ZNF804B: variants seen among roughly 807,000 people sequenced by gnomAD.
ZNF804B encodes zinc finger 804B.
Under a neutral mutation model 101.4 loss-of-function variants are expected in ZNF804B, and 80 were observed. The ratio of observed to expected loss-of-function variants is 0.79; its 90% CI spans 0.66 to 0.95. The LOEUF (loss-of-function observed/expected upper bound fraction) is 0.95. Among genes scored for constraint, ZNF804B ranks in the 40% least tolerant of loss-of-function variants. The pLI is 0.00. For missense variants in ZNF804B, 1,673 were observed against 1,561.9 expected, an observed-to-expected ratio of 1.07 and a Z score of -1.20; for synonymous variants, 622 against 558.8, an observed-to-expected ratio of 1.11 and a Z score of -1.59.
chr7:89,169,482 C>T (rs1343960294), intron 1 of ZNF804B, among the ~76,000 whole-genome samples: 1 of 152,008 alleles, frequency 6.6e-6, no homozygotes, highest in Non-Finnish European at 1.5e-5. Flanking sequence ...AGTTACAAGC[C>T]CTGTGTTTAA....
chr7:89,318,410 A>C (rs1448215905), intron 2 of ZNF804B, among the ~76,000 whole-genome samples: 3 of 152,314 alleles, frequency 2.0e-5, no homozygotes, highest in East Asian at 3.9e-4. Flanking sequence ...GAAAAGATGT[A>C]CCTTTTTACT....
At chr7:88,967,468 G>T (rs554213609) in intron 1 of ZNF804B, among the ~76,000 whole-genome samples, 4 of 151,530 alleles carry the variant, frequency 2.6e-5, no homozygotes, top group Non-Finnish European at 5.9e-5. Flanking sequence ...TGAGATTTGG[G>T]TGGGGACACA....
intron 1 of ZNF804B, among the ~76,000 whole-genome samples, chr7:88,957,395 C>A (rs1793326387): frequency 6.6e-6 from 1 of 151,332 alleles, no homozygotes; most frequent in Non-Finnish European, 1.5e-5. Context: ...AATAAAGAGG[C>A]TAAAGTGAAT....
At chr7:88,918,233 T>A (rs916810672) in intron 1 of ZNF804B, among the ~76,000 whole-genome samples, 4 of 152,124 alleles carry the variant, frequency 2.6e-5, no homozygotes, top group African/African-American at 7.2e-5. Flanking sequence ...TACTTTCAAA[T>A]AAGTATAATC....
At chr7:88,854,414 C>CTTTCTTT (rs1791502231) in intron 1 of ZNF804B, among the ~76,000 whole-genome samples, 8 of 57,114 alleles carry the variant, frequency 1.4e-4, no homozygotes, top group East Asian at 7.6e-4. Flanking sequence ...TTTCTTTCTT[C>CTTTCTTT]CTTTCTTTCT....
chr7:89,063,320 A>G (rs555168687), intron 1 of ZNF804B, among the ~76,000 whole-genome samples: 1 of 152,174 alleles, frequency 6.6e-6, no homozygotes, highest in African/African-American at 2.4e-5. Context: ...TTTACTTATG[A>G]GAATAAATTC....
intron 1 of ZNF804B, among the ~76,000 whole-genome samples, chr7:88,982,823 A>G (rs765064122): frequency 6.6e-6 from 1 of 152,058 alleles, no homozygotes. Flanking sequence ...CTCCTCTGCC[A>G]GAGTGACTCA....
At chr7:88,764,481 T>C (rs563480985) in intron 1 of ZNF804B, among the ~76,000 whole-genome samples, 17 of 152,268 alleles carry the variant, frequency 1.1e-4, no homozygotes, top group Non-Finnish European at 1.9e-4. Flanking sequence ...CTGATTAAAT[T>C]GGCTAATAGG....
intron 1 of ZNF804B, among the ~76,000 whole-genome samples, chr7:89,051,826 T>C (rs1402410420): frequency 2.0e-5 from 3 of 152,152 alleles, no homozygotes; most frequent in East Asian, 3.9e-4. Context: ...CTTCCACATC[T>C]CTTACCAGTG....
intron 1 of ZNF804B, among the ~76,000 whole-genome samples, chr7:88,993,606 T>A (rs1163338864): frequency 1.3e-5 from 2 of 151,938 alleles, no homozygotes; most frequent in Non-Finnish European, 2.9e-5. Flanking sequence ...AAGCTTACTA[T>A]CCAACGTCCC....
At chr7:89,287,618 C>A (rs1790225095) in intron 2 of ZNF804B, among the ~76,000 whole-genome samples, 1 of 152,010 alleles carries the variant, frequency 6.6e-6, no homozygotes, top group Admixed American at 6.6e-5. Context: ...TAGATATTTC[C>A]CTCAGGCCTT....
chr7:88,840,594 TCAAC>T (rs1791280905), intron 1 of ZNF804B, among the ~76,000 whole-genome samples: 1 of 103,988 alleles, frequency 9.6e-6, no homozygotes, highest in African/African-American at 4.2e-5. Flanking sequence ...AATACTTAAC[TCAAC>T]TTCATTTGTA....
chr7:88,961,042 A>G (rs1793379780), intron 1 of ZNF804B, among the ~76,000 whole-genome samples: 1 of 151,580 alleles, frequency 6.6e-6, no homozygotes, highest in African/African-American at 2.4e-5. Flanking sequence ...TGTATGAAAT[A>G]TATTTTAGAC....
chr7:89,320,934 G>A (rs1790809495), intron 2 of ZNF804B, among the ~76,000 whole-genome samples: 1 of 151,902 alleles, frequency 6.6e-6, no homozygotes, highest in Non-Finnish European at 1.5e-5. Flanking sequence ...GTAAGATGAA[G>A]AACTCATACA....
intron 2 of ZNF804B, among the ~76,000 whole-genome samples, chr7:89,264,267 G>C (rs1789751596): frequency 6.6e-6 from 1 of 152,134 alleles, no homozygotes; most frequent in African/African-American, 2.4e-5. Flanking sequence ...AAATCCTGCA[G>C]GTTTAACAAA....
chr7:89,234,103 T>C (rs1362720790), intron 2 of ZNF804B, among the ~76,000 whole-genome samples: 1 of 152,230 alleles, frequency 6.6e-6, no homozygotes, highest in Non-Finnish European at 1.5e-5. Flanking sequence ...TTAGGAGTTT[T>C]AACTCAATAT....
chr7:89,236,625 C>T (rs1003359401), intron 2 of ZNF804B, among the ~76,000 whole-genome samples: 2 of 152,174 alleles, frequency 1.3e-5, no homozygotes, highest in Admixed American at 6.5e-5. Context: ...ACAAAGAGTT[C>T]AGAATCCCAA....
At chr7:88,998,078 C>T (rs1273399767) in intron 1 of ZNF804B, among the ~76,000 whole-genome samples, 2 of 152,056 alleles carry the variant, frequency 1.3e-5, no homozygotes, top group African/African-American at 4.8e-5. Context: ...TGTGATGTCA[C>T]TGCCTGTCAC....
At chr7:88,933,550 GT>G (rs1304850412) in intron 1 of ZNF804B, among the ~76,000 whole-genome samples, 4 of 151,750 alleles carry the variant, frequency 2.6e-5, no homozygotes, top group Non-Finnish European at 5.9e-5. Context: ...CTAAAGTTTC[GT>G]TCAAAAAGCT....
Sources: gnomAD v4.1 joint callset for allele counts (sites outside exome capture counted in the v4.1 genomes callset) on GRCh38, gnomAD v4.1.1 for gene constraint, MANE v1.5 for transcripts, NCBI Gene and HGNC (gene_info 2026-07-23, HGNC 2026-07-21) for gene names.